HDAC9: variants seen among roughly 807,000 people sequenced by gnomAD.
HDAC9 encodes the protein histone deacetylase 9, also known as MEF-2 interacting transcription repressor (MITR) protein.
A neutral mutation model predicts 139.4 loss-of-function variants in HDAC9; 41 were observed. The observed-to-expected ratio is 0.29, with a 90% CI of 0.23 to 0.38. HDAC9 has a LOEUF of 0.38. Ranked by LOEUF, HDAC9 falls within the 10% of genes least tolerant of loss-of-function variation. The pLI is 1.00. For synonymous variants in HDAC9, 517 were observed against 476.2 expected (o/e 1.09, Z -1.12); for missense variants, 1,147 against 1,297.0 (o/e 0.88, Z 1.78).
intron 2 of HDAC9, among the ~76,000 whole-genome samples, chr7:18,210,078 A>T (rs751945436): frequency 6.6e-6 from 1 of 151,894 alleles, no homozygotes; most frequent in Non-Finnish European, 1.5e-5. Flanking sequence ...CAAATGATAC[A>T]TTCTGTAAAC....
intron 16 of HDAC9, among the ~76,000 whole-genome samples, chr7:18,771,815 A>ACT (rs1166378870): frequency 6.6e-6 from 1 of 152,012 alleles, no homozygotes; most frequent in Non-Finnish European, 1.5e-5. Flanking sequence ...ATATAGTTAA[A>ACT]CTCAATGCGA....
At chr7:18,368,146 T>C (rs1361790424) in intron 1 of HDAC9, among the ~76,000 whole-genome samples, 2 of 152,250 alleles carry the variant, frequency 1.3e-5, no homozygotes, top group South Asian at 4.1e-4. Context: ...CATTGATAAA[T>C]GGAAGCTTTC....
intron 2 of HDAC9, among the ~76,000 whole-genome samples, chr7:18,568,669 A>T (rs921277110): frequency 2.6e-5 from 4 of 152,186 alleles, no homozygotes; most frequent in African/African-American, 2.4e-5. Context: ...ATACACTATG[A>T]TAATTTTTAA....
At chr7:18,922,231 TAATA>T in intron 22 of HDAC9, among the ~76,000 whole-genome samples, 1 of 152,092 alleles carries the variant, frequency 6.6e-6, no homozygotes, top group East Asian at 1.9e-4. Context: ...ACTATAATAA[TAATA>T]ATTAAAAAAC....
At chr7:18,341,424 A>G (rs979556337) in intron 1 of HDAC9, among the ~76,000 whole-genome samples, 10 of 151,740 alleles carry the variant, frequency 6.6e-5, no homozygotes, top group Non-Finnish European at 1.0e-4. Context: ...TTTTTTAAAA[A>G]ATTTAATTCT....
At chr7:18,579,036 G>A (rs1826938136) in intron 2 of HDAC9, among the ~76,000 whole-genome samples, 2 of 152,326 alleles carry the variant, frequency 1.3e-5, no homozygotes, top group South Asian at 4.1e-4. Flanking sequence ...TATCATAGAG[G>A]AGATAGTAAT....
intron 2 of HDAC9, among the ~76,000 whole-genome samples, chr7:18,497,626 T>C (rs893443282): frequency 6.6e-6 from 1 of 152,190 alleles, no homozygotes; most frequent in African/African-American, 2.4e-5. Context: ...TACAGTTTAT[T>C]CTTATAGCTG....
chr7:18,871,215 T>G (rs1798891693), intron 21 of HDAC9, among the ~76,000 whole-genome samples: 2 of 152,184 alleles, frequency 1.3e-5, no homozygotes, highest in South Asian at 2.1e-4. Context: ...CTTTGGCCAT[T>G]GAAAGTGCTT....
At chr7:18,805,305 T>C (rs1166405523) in intron 17 of HDAC9, among the ~76,000 whole-genome samples, 2 of 152,170 alleles carry the variant, frequency 1.3e-5, no homozygotes, top group African/African-American at 4.8e-5. Context: ...CTTTAGACTG[T>C]TACCAGAGTG....
At chr7:18,367,454 CA>C (rs1392864795) in intron 1 of HDAC9, among the ~76,000 whole-genome samples, 5 of 152,058 alleles carry the variant, frequency 3.3e-5, no homozygotes, top group Non-Finnish European at 4.4e-5. Context: ...AATAGGTATG[CA>C]CACCTTTTGC....
intron 4 of HDAC9, 141 bp downstream of exon 4, chr7:18,590,627 C>T: frequency 1.1e-6 from 1 of 878,062 alleles, no homozygotes; most frequent in African/African-American, 1.7e-5. Flanking sequence ...ACAGACCCAA[C>T]TGTAAAGTTT....
At chr7:18,906,017 T>C (rs939068831) in intron 22 of HDAC9, among the ~76,000 whole-genome samples, 16 of 151,752 alleles carry the variant, frequency 1.1e-4, no homozygotes, top group Non-Finnish European at 2.1e-4. Flanking sequence ...TTTTTCTTTC[T>C]TTTTGCTTTC....
rs1226112746 is a variant in HDAC9 at position 18,998,740 on chromosome 7, C to T, written c.*2678C>T. 6.6e-6 allele frequency: 1 copy of T among 152,198 alleles called. No homozygotes were observed. Among genetic ancestry groups the T allele is most frequent in the African/African-American group, 2.4e-5 (1 of 41,444 alleles). The allele number at this position is 152,198 out of a possible 1,614,324, so 9.4% of individuals were successfully genotyped here. A position where few individuals can be genotyped will look rare whatever the true frequency, so the allele number is the denominator to read the frequency against. On this transcript the variant is annotated 3_prime_UTR_variant, in exon 26 of 26. Transcript: ENST00000686413. ...GGCTAGAAGAGTATTATCAATTTTG[C>T]ATCTCCTTGTGATACTTACTTTGAA...
At chr7:18,304,347 T>C (rs895237827) in intron 1 of HDAC9, among the ~76,000 whole-genome samples, 1 of 152,196 alleles carries the variant, frequency 6.6e-6, no homozygotes, top group Non-Finnish European at 1.5e-5. Flanking sequence ...AGCCAGGTTT[T>C]TAAAAAGCTC....
At chr7:18,930,217 G>T (rs1410554106) in intron 22 of HDAC9, among the ~76,000 whole-genome samples, 1 of 151,994 alleles carries the variant, frequency 6.6e-6, no homozygotes, top group Non-Finnish European at 1.5e-5. Flanking sequence ...AAGGTACCAT[G>T]GTATAGGAAC....
chr7:18,861,610 C>T (rs1033219326), intron 21 of HDAC9, among the ~76,000 whole-genome samples: 1 of 152,160 alleles, frequency 6.6e-6, no homozygotes, highest in African/African-American at 2.4e-5. Flanking sequence ...ATTTCTCTCT[C>T]AACTCTTAGC....
At chr7:18,324,399 A>G (rs575410976) in intron 1 of HDAC9, among the ~76,000 whole-genome samples, 5 of 152,282 alleles carry the variant, frequency 3.3e-5, no homozygotes, top group African/African-American at 1.2e-4. Flanking sequence ...TGAAATGGAG[A>G]TAATCATAGT....
chr7:18,482,604 A>T (rs983186179), intron 1 of HDAC9, among the ~76,000 whole-genome samples: 24 of 152,208 alleles, frequency 1.6e-4, no homozygotes, highest in African/African-American at 5.8e-4. Flanking sequence ...AAGGATTAAA[A>T]CATAAATTAA....
chr7:18,740,377 G>C (rs1253610947), intron 13 of HDAC9, among the ~76,000 whole-genome samples: 1 of 152,180 alleles, frequency 6.6e-6, no homozygotes, highest in African/African-American at 2.4e-5. Context: ...GCAGACCAGA[G>C]CTGTTCCCAT....
Sources: gnomAD v4.1 joint callset for allele counts (sites outside exome capture counted in the v4.1 genomes callset) on GRCh38, gnomAD v4.1.1 for gene constraint, MANE v1.5 for transcripts, NCBI Gene and HGNC (gene_info 2026-07-23, HGNC 2026-07-21) for gene names.